Variants in PIK3R1 observed in about 807,000 individuals in gnomAD.
PIK3R1 encodes phosphatidylinositol 3-kinase regulatory subunit alpha.
PIK3R1 carries 29 observed loss-of-function variants against 98.0 expected under a neutral mutation model. The ratio of observed to expected loss-of-function variants is 0.30; its 90% CI spans 0.22 to 0.40. PIK3R1 has a LOEUF of 0.40. PIK3R1 is among the 10% of genes least tolerant of loss of function. The pLI is 1.00. For missense variants in PIK3R1, 596 were observed against 872.7 expected (o/e 0.68, Z 3.99); for synonymous variants, 282 against 311.8 (o/e 0.90, Z 1.01).
rs778610969 is a variant in PIK3R1 at position 68,293,807 on chromosome 5, A to G, written c.1398A>G (p.Leu466=). 3 of 1,581,214 alleles carry G rather than the reference A, an allele frequency of 1.9e-6. No homozygotes were observed. Among genetic ancestry groups the G allele is most frequent in the East Asian group, 2.3e-5 (1 of 44,420 alleles). The change falls in exon 11 of 16, where the codon TTA becomes TTG. Residue 466 remains leucine (L), a synonymous_variant. Coordinates refer to ENST00000521381, the MANE Select transcript of PIK3R1 (RefSeq NM_181523.3). ...AAAAAAGTCGAGAATATGATAGATT[A>G]TATGAAGAATATACCCGCACATCCC... ...FQEKSREYDR[L]YEEYTRTSQE...
intron 4 of PIK3R1, among the ~76,000 whole-genome samples, chr5:68,276,197 G>C (rs1042288266): frequency 6.6e-6 from 1 of 152,106 alleles, no homozygotes; most frequent in African/African-American, 2.4e-5. Context: ...GGCTTTCTTA[G>C]CCTTGGTACT....
intron 2 of PIK3R1, among the ~76,000 whole-genome samples, chr5:68,238,293 G>C (rs1487116472): frequency 2.6e-5 from 4 of 152,308 alleles, no homozygotes; most frequent in Admixed American, 2.0e-4. Context: ...CACCAGGCAT[G>C]GGTAGGTCTT....
intron 2 of PIK3R1, among the ~76,000 whole-genome samples, chr5:68,231,858 A>G (rs976272702): frequency 6.6e-6 from 1 of 152,174 alleles, no homozygotes; most frequent in African/African-American, 2.4e-5. Flanking sequence ...AAACCACCCA[A>G]TTTATGGTGC....
At chr5:68,236,824 T>C (rs1474228051) in intron 2 of PIK3R1, among the ~76,000 whole-genome samples, 2 of 152,220 alleles carry the variant, frequency 1.3e-5, no homozygotes, top group African/African-American at 4.8e-5. Flanking sequence ...TTACCTCCAA[T>C]TTATATGTGA....
At chr5:68,274,446 C>A (rs1746490115) in intron 4 of PIK3R1, among the ~76,000 whole-genome samples, 1 of 152,152 alleles carries the variant, frequency 6.6e-6, no homozygotes, top group Non-Finnish European at 1.5e-5. Context: ...TATTACCTTT[C>A]CCTTCCATTT....
rs1212344652 is a variant in PIK3R1, at chr5:68,298,804, A to ACTC, written c.*1204_*1206dup. 4.3e-6 allele frequency: 1 copy of ACTC among 232,758 alleles called. No homozygotes were observed. The highest frequency in any genetic ancestry group is 8.5e-6 in the Non-Finnish European group (1 of 117,906). The allele number at this position is 232,758 out of a possible 1,614,324, so 14.4% of individuals were successfully genotyped here. On this transcript the variant is annotated 3_prime_UTR_variant, in exon 16 of 16. Coordinates refer to ENST00000521381, the MANE Select transcript of PIK3R1 (RefSeq NM_181523.3). ...CTGAGTCCAACAATGTTGTTTTAAG[A>ACTC]CTCTTAAAATACGGTACCTGGCAAT...
intron 2 of PIK3R1, among the ~76,000 whole-genome samples, chr5:68,255,867 G>A (rs575037379): frequency 2.0e-4 from 30 of 152,336 alleles, no homozygotes; most frequent in East Asian, 5.8e-4. Context: ...TCTGCAAGAC[G>A]TTTCACATTA....
chr5:68,242,763 G>A (rs1334113986), intron 2 of PIK3R1, among the ~76,000 whole-genome samples: 1 of 152,198 alleles, frequency 6.6e-6, no homozygotes, highest in East Asian at 1.9e-4. Flanking sequence ...TCCTTCTTGA[G>A]CTTGCCTTCT....
chr5:68,299,845 A>G lies in PIK3R1; in HGVS notation c.*2244A>G, dbSNP rs778776599. 4.3e-6 allele frequency: 1 copy of G among 233,104 alleles called. No homozygotes were observed. Among genetic ancestry groups the G allele is most frequent in the Non-Finnish European group, 8.5e-6 (1 of 118,030 alleles). 14.4% of individuals were successfully genotyped at this position (233,104 alleles called of 1,614,324 possible). Reference sequence around the variant, plus strand: ...CTTATAGCAAGACTGTTAGCCCTCAAACTTGACTCTACTGATCTGACCATT... The same window carrying G: ...CTTATAGCAAGACTGTTAGCCCTCAGACTTGACTCTACTGATCTGACCATT... On this transcript the variant is annotated 3_prime_UTR_variant, in exon 16 of 16. Coordinates refer to ENST00000521381, the MANE Select transcript of PIK3R1 (RefSeq NM_181523.3).
intron 2 of PIK3R1, among the ~76,000 whole-genome samples, chr5:68,268,107 C>T (rs1019111855): frequency 1.1e-4 from 17 of 152,076 alleles, no homozygotes; most frequent in Admixed American, 1.1e-3. Context: ...TTATTTAATC[C>T]TTATTACTGC....
chr5:68,250,814 G>A lies in PIK3R1; in HGVS notation c.335-22576G>A, dbSNP rs541486616. On this transcript the variant is annotated intron_variant, in intron 2 of 15. Coordinates refer to ENST00000521381, the MANE Select transcript of PIK3R1 (RefSeq NM_181523.3). The stretch of plus-strand genomic sequence containing the variant: ...CAGGCCTATGTGTCCTCAGCCCTAA[G>A]TTCCTAAAACCAGCACTACTTGAGG... 1.4e-4 allele frequency among the ~76,000 whole-genome samples: 22 copies of A among 152,276 alleles called. 1 individual carries two copies. In the South Asian group the frequency reaches 4.4e-3, roughly 30 times the overall value.
chr5:68,220,255 C>T (rs539784747), intron 1 of PIK3R1, among the ~76,000 whole-genome samples: 2 of 152,282 alleles, frequency 1.3e-5, no homozygotes, highest in South Asian at 4.1e-4. Flanking sequence ...GCTCAGTGTT[C>T]ATACTAACCT....
chr5:68,225,851 T>C (rs1744253667), intron 1 of PIK3R1, among the ~76,000 whole-genome samples: 2 of 152,318 alleles, frequency 1.3e-5, no homozygotes, highest in Non-Finnish European at 2.9e-5. Flanking sequence ...GGACTGCCTG[T>C]TCTAGCTCTT....
In PIK3R1 at chr5:68,281,673, A is replaced by C. The variant is rs143322954; in HGVS notation, c.916+667A>C. On this transcript the variant is annotated intron_variant, in intron 7 of 15. Transcript: ENST00000521381. ...AAAAGTTAGCTAATCGACACTGGTC[A>C]TTTAGAATAGTAATTAGGGTACTAT... is the stretch of plus-strand genomic sequence containing the variant. Among the ~76,000 whole-genome samples, 21 of 152,360 alleles carry C rather than the reference A, an allele frequency of 1.4e-4. No individual in the cohort carries two copies. In the East Asian group the frequency reaches 4.0e-3, roughly 29 times the overall value.
Position 68,297,365 on chromosome 5 carries a change from T to G in PIK3R1, c.1986-47T>G, listed in dbSNP as rs780968070. On this transcript the variant is annotated intron_variant, in intron 15 of 15. Transcript: ENST00000521381. Reference sequence around the variant, plus strand: ...TAAAGATGCCCTGAAGAGTTGTGAATTGTCTTGGACAAGCTCAAAAGACAG... The same window carrying G: ...TAAAGATGCCCTGAAGAGTTGTGAAGTGTCTTGGACAAGCTCAAAAGACAG... 1.4e-5 allele frequency: 21 copies of G among 1,448,630 alleles called. No homozygotes were observed. In the East Asian group the frequency reaches 2.7e-4, roughly 19 times the overall value. The allele number at this position is 1,448,630 out of a possible 1,614,324, so 89.7% of individuals were successfully genotyped here.
intron 1 of PIK3R1, among the ~76,000 whole-genome samples, chr5:68,217,977 G>A (rs1743964234): frequency 6.6e-6 from 1 of 152,148 alleles, no homozygotes; most frequent in South Asian, 2.1e-4. Flanking sequence ...TGTACACACT[G>A]CTATTTGATG....
At chr5:68,225,164 TG>T (rs1744227631) in intron 1 of PIK3R1, among the ~76,000 whole-genome samples, 1 of 152,162 alleles carries the variant, frequency 6.6e-6, no homozygotes, top group African/African-American at 2.4e-5. Flanking sequence ...GTTTTTGGGA[TG>T]TTGTCTCTAA....
In PIK3R1 at chr5:68,301,432, A is replaced by ATATATATG. The variant is rs1463705488; in HGVS notation, c.*3832_*3833insATATATGT. ...TATATATATATATATATATATATAT[A>ATATATATG]TGTGTGTGTATATATATATATATGT... On this transcript the variant is annotated 3_prime_UTR_variant, in exon 16 of 16. Transcript: ENST00000521381. 3 of 73,518 alleles carry ATATATATG rather than the reference A, an allele frequency of 4.1e-5. No homozygotes were observed. Among genetic ancestry groups the ATATATATG allele is most frequent in the Admixed American group, 1.8e-4 (1 of 5,714 alleles). The allele number at this position is 73,518 out of a possible 1,614,324, so 4.6% of individuals were successfully genotyped here. A position where few individuals can be genotyped will look rare whatever the true frequency, so the allele number is the denominator to read the frequency against.
chr5:68,261,082 C>T (rs756302853), intron 2 of PIK3R1, among the ~76,000 whole-genome samples: 36 of 152,154 alleles, frequency 2.4e-4, no homozygotes, highest in Non-Finnish European at 4.4e-4. Flanking sequence ...AAGTAATTTT[C>T]GCTTGGTGCC....
Sources: gnomAD v4.1 joint callset for allele counts (sites outside exome capture counted in the v4.1 genomes callset) on GRCh38, gnomAD v4.1.1 for gene constraint, MANE v1.5 for transcripts, NCBI Gene and HGNC (gene_info 2026-07-23, HGNC 2026-07-21) for gene names.